Variants in LIPK observed in about 807,000 individuals in gnomAD.
LIPK encodes lipase member K.
Under a neutral mutation model 48.6 loss-of-function variants are expected in LIPK, and 32 were observed. That is an observed-to-expected ratio of 0.66 (90% CI 0.50 to 0.88). The LOEUF (loss-of-function observed/expected upper bound fraction) is 0.88. LIPK is among the 40% of genes least tolerant of loss of function. The pLI is 0.00. For synonymous variants in LIPK, 164 were observed against 157.4 expected (o/e 1.04, Z -0.32); for missense variants, 507 against 478.5 (o/e 1.06, Z -0.56).
intron 6 of LIPK, among the ~76,000 whole-genome samples, chr10:88,737,203 G>A (rs1842589495): frequency 6.6e-6 from 1 of 152,108 alleles, no homozygotes; most frequent in Non-Finnish European, 1.5e-5. Context: ...CTAGATGCTA[G>A]GAACTGCACT....
At chr10:88,731,579 A>T (rs1358116510) in intron 4 of LIPK, among the ~76,000 whole-genome samples, 3 of 152,214 alleles carry the variant, frequency 2.0e-5, no homozygotes, top group Non-Finnish European at 2.9e-5. Context: ...GCTAAGAACC[A>T]TGCCTTGGAG....
intron 9 of LIPK, among the ~76,000 whole-genome samples, chr10:88,746,528 T>A (rs1198945734): frequency 6.6e-6 from 1 of 152,104 alleles, no homozygotes; most frequent in African/African-American, 2.4e-5. Flanking sequence ...TTTGGGTAAA[T>A]AATGAAACAC....
chr10:88,743,377 G>A (rs914919760), intron 9 of LIPK, 56 bp downstream of exon 9: 1 of 1,299,276 alleles, frequency 7.7e-7, no homozygotes, highest in Non-Finnish European at 1.1e-6. Flanking sequence ...AACAAAAATA[G>A]TGTCTACTCA....
chr10:88,746,103 C>T (rs576920839), intron 9 of LIPK, among the ~76,000 whole-genome samples: 17 of 152,068 alleles, frequency 1.1e-4, no homozygotes, highest in Non-Finnish European at 2.2e-4. Flanking sequence ...ATGCACCCAA[C>T]ACAGGAGCAC....
chr10:88,732,577 T>C (rs754588902), intron 6 of LIPK, 26 bp downstream of exon 6: 1 of 1,578,006 alleles, frequency 6.3e-7, no homozygotes, highest in South Asian at 1.2e-5. Flanking sequence ...AGTTTTAATC[T>C]GAAATAACTA....
intron 9 of LIPK, among the ~76,000 whole-genome samples, chr10:88,748,185 G>A (rs1842802154): frequency 6.6e-6 from 1 of 152,132 alleles, no homozygotes; most frequent in Admixed American, 6.6e-5. Flanking sequence ...AATACCACAT[G>A]TTCTTACTCA....
At chr10:88,722,882 C>CTTTTTTTTTTT (rs1262882913) in intron 1 of LIPK, among the ~76,000 whole-genome samples, 3 of 46,020 alleles carry the variant, frequency 6.5e-5, no homozygotes, top group Non-Finnish European at 6.7e-5. Flanking sequence ...TTCTTCTTTT[C>CTTTTTTTTTTT]TTTTTTCTTT....
At chr10:88,740,345 T>C (rs1842656309) in intron 8 of LIPK, among the ~76,000 whole-genome samples, 1 of 152,234 alleles carries the variant, frequency 6.6e-6, no homozygotes, top group Non-Finnish European at 1.5e-5. Flanking sequence ...TTATTTCCTC[T>C]TTCAGAAAGT....
At chr10:88,715,927 C>A (rs2134691720) in intron 1 of LIPK, among the ~76,000 whole-genome samples, 1 of 152,106 alleles carries the variant, frequency 6.6e-6, no homozygotes, top group South Asian at 2.1e-4. Flanking sequence ...AATTTGTACC[C>A]TATTATCTGA....
At chr10:88,729,256 G>GGGC (rs1554955634) in intron 3 of LIPK, among the ~76,000 whole-genome samples, 1 of 112,082 alleles carries the variant, frequency 8.9e-6, no homozygotes, top group Non-Finnish European at 1.8e-5. Context: ...ATCTGTTGGG[G>GGGC]GGGGGGGGCG....
chr10:88,752,324 G>A (rs1002451102), intron 9 of LIPK, among the ~76,000 whole-genome samples, 193 bp from the exon 10 acceptor site: 3 of 151,830 alleles, frequency 2.0e-5, no homozygotes, highest in Admixed American at 6.6e-5. Flanking sequence ...TGTTTTTTTC[G>A]ATTCACAATT....
At position 88,732,472 on chromosome 10, in the gene LIPK, C is replaced by T; in HGVS notation, c.590C>T (p.Ala197Val). Reference sequence around the variant, plus strand: ...GCTAAAAAGATTAAGATATTTTTTGCACTGGCTCCAGTTGTCACAGTTAAA... The same window carrying T: ...GCTAAAAAGATTAAGATATTTTTTGTACTGGCTCCAGTTGTCACAGTTAAA... ...ELAKKIKIFF[A>V]LAPVVTVKYT... Residue 197 changes from alanine (A) to valine (V), a missense_variant, in exon 6 of 10, where the codon GCA becomes GTA. Transcript: ENST00000404190. 1 of 1,613,432 alleles carries T rather than the reference C, an allele frequency of 6.2e-7. No individual in the cohort carries two copies. Among genetic ancestry groups the T allele is most frequent in the South Asian group, 1.1e-5 (1 of 90,930 alleles).
intron 1 of LIPK, among the ~76,000 whole-genome samples, chr10:88,711,505 C>T (rs303507): frequency 0.78 from 119,241 of 152,122 alleles, 47,704 homozygotes; most frequent in East Asian, 1. Flanking sequence ...GACAGTCTCA[C>T]TCTATCACCC....
At chr10:88,713,733 G>T (rs536484872) in intron 1 of LIPK, among the ~76,000 whole-genome samples, 1 of 152,188 alleles carries the variant, frequency 6.6e-6, no homozygotes, top group South Asian at 2.1e-4. Context: ...CTGAGGTCAG[G>T]TGTTTGAAAC....
rs1479492273 is a variant in LIPK, at chr10:88,752,614, A to T, written c.1058A>T (p.Asn353Ile). 1 of 1,572,680 alleles carries T rather than the reference A, an allele frequency of 6.4e-7. No individual in the cohort carries two copies. The highest frequency in any genetic ancestry group is 8.6e-7 in the Non-Finnish European group (1 of 1,156,700). The change falls in exon 10 of 10, where the codon AAT (asparagine) becomes ATT (isoleucine). Residue 353 changes from asparagine (N) to isoleucine (I), a missense_variant. Coordinates refer to ENST00000404190, the MANE Select transcript of LIPK (RefSeq NM_001080518.2). ...DIVADPKDVENLLPQIANLIY... is the reference protein window; with the variant it reads ...DIVADPKDVEILLPQIANLIY... Reference sequence around the variant, plus strand: ...GTGGCTGATCCCAAGGATGTTGAAAATTTACTTCCTCAAATTGCTAACCTT... The same window carrying T: ...GTGGCTGATCCCAAGGATGTTGAAATTTTACTTCCTCAAATTGCTAACCTT...
intron 7 of LIPK, among the ~76,000 whole-genome samples, chr10:88,738,100 G>A (rs1842611282): frequency 6.6e-6 from 1 of 152,178 alleles, no homozygotes; most frequent in African/African-American, 2.4e-5. Flanking sequence ...ATCTCAGGGG[G>A]TGAGTCCAGA....
Position 88,745,519 on chromosome 10 carries a change from A to T in LIPK, c.960+2198A>T, listed in dbSNP as rs188221968. Among the ~76,000 whole-genome samples the T allele has an allele frequency of 3.7e-4, 57 of 152,362 alleles. 1 individual carries two copies. The East Asian group carries it at 7.9e-3, about 21-fold the overall frequency. On this transcript the variant is annotated intron_variant, in intron 9 of 9. Transcript: ENST00000404190. Reference sequence around the variant, plus strand: ...AAGAAATTCTAACCAAGAATTTCACATACAGACAAACTAAGCTTTATAAGT... The same window carrying T: ...AAGAAATTCTAACCAAGAATTTCACTTACAGACAAACTAAGCTTTATAAGT...
intron 7 of LIPK, among the ~76,000 whole-genome samples, chr10:88,738,581 T>C (rs1343536253): frequency 1.3e-5 from 2 of 152,382 alleles, no homozygotes; most frequent in East Asian, 1.9e-4. Context: ...ATGGAAACTA[T>C]GCTTCCTATC....
intron 1 of LIPK, among the ~76,000 whole-genome samples, chr10:88,715,181 T>C (rs1241633132): frequency 6.6e-6 from 1 of 152,152 alleles, no homozygotes. Flanking sequence ...AGGTTTTCTA[T>C]ATTTCTATAT....
Sources: gnomAD v4.1 joint callset for allele counts (sites outside exome capture counted in the v4.1 genomes callset) on GRCh38, gnomAD v4.1.1 for gene constraint, MANE v1.5 for transcripts, NCBI Gene and HGNC (gene_info 2026-07-23, HGNC 2026-07-21) for gene names.